The following DGKB variants were observed in gnomAD, a reference collection of about 807,000 sequenced individuals.
DGKB encodes diacylglycerol kinase beta.
Under a neutral mutation model 114.3 loss-of-function variants are expected in DGKB, and 67 were observed. The observed-to-expected ratio is 0.59, with a 90% CI of 0.48 to 0.72. DGKB has a LOEUF of 0.72. DGKB is among the 30% of genes least tolerant of loss of function. The probability of loss-of-function intolerance (pLI) is 0.00; values close to 1 mark genes in which losing one functional copy is unlikely to be tolerated. For synonymous variants in DGKB, 398 were observed against 323.1 expected (o/e 1.23, Z -2.49); for missense variants, 907 against 975.2 (o/e 0.93, Z 0.93).
intron 20 of DGKB, among the ~76,000 whole-genome samples, chr7:14,500,070 C>T (rs916346212): frequency 1.3e-5 from 2 of 151,780 alleles, no homozygotes; most frequent in African/African-American, 4.8e-5. Context: ...TTCGTTCTGG[C>T]CTTTTTCAAT....
At position 14,152,657 on chromosome 7, in the gene DGKB, A is replaced by C. The variant is rs543021742; in HGVS notation, c.2305-3419T>G. Among the ~76,000 whole-genome samples, 17 of 152,212 alleles carry C rather than the reference A, an allele frequency of 1.1e-4. No individual in the cohort carries two copies. The East Asian group carries it at 3.3e-3, about 29-fold the overall frequency. ...ACTTCAAAAACTATAAATACGAAAA[A>C]TGTGGGTTCAGTTTCACTTTTATAA... is the stretch of plus-strand genomic sequence containing the variant. On this transcript the variant is annotated intron_variant, in intron 25 of 25. Coordinates refer to ENST00000402815, the MANE Select transcript of DGKB (RefSeq NM_001350709.2).
chr7:14,642,922 C>T (rs1563765566), intron 13 of DGKB, among the ~76,000 whole-genome samples: 1 of 152,138 alleles, frequency 6.6e-6, no homozygotes, highest in Non-Finnish European at 1.5e-5. Flanking sequence ...GCTTTTAATA[C>T]ATTGTAATCT....
At chr7:14,586,656 T>A (rs1023987289) in intron 17 of DGKB, among the ~76,000 whole-genome samples, 1 of 152,114 alleles carries the variant, frequency 6.6e-6, no homozygotes, top group Non-Finnish European at 1.5e-5. Flanking sequence ...GACTCTCCTG[T>A]TAGGGGCTAA....
At chr7:14,351,611 A>G (rs2128607134) in intron 21 of DGKB, among the ~76,000 whole-genome samples, 1 of 152,262 alleles carries the variant, frequency 6.6e-6, no homozygotes, top group Middle Eastern at 3.4e-3. Context: ...TTTGATTGGC[A>G]ACTATAAATT....
At chr7:14,851,439 G>A (rs573208680) in intron 1 of DGKB, among the ~76,000 whole-genome samples, 2 of 152,048 alleles carry the variant, frequency 1.3e-5, no homozygotes, top group Admixed American at 6.6e-5. Context: ...AGACTGGCAG[G>A]TTAGGTGAAA....
chr7:14,273,765 G>A (rs551600322), intron 23 of DGKB, among the ~76,000 whole-genome samples: 12 of 152,244 alleles, frequency 7.9e-5, no homozygotes, highest in African/African-American at 2.9e-4. Context: ...CCACTCAGTT[G>A]TTACTAGTAA....
intron 19 of DGKB, among the ~76,000 whole-genome samples, chr7:14,575,690 C>G (rs1318763406): frequency 6.6e-6 from 1 of 152,186 alleles, no homozygotes; most frequent in Non-Finnish European, 1.5e-5. Context: ...TAAATCATCT[C>G]TCTTTTCACC....
chr7:14,341,938 G>C (rs1026618035), intron 22 of DGKB, among the ~76,000 whole-genome samples: 3 of 151,820 alleles, frequency 2.0e-5, no homozygotes, highest in African/African-American at 7.2e-5. Context: ...CTGATTCTAT[G>C]TCTATATCAG....
Position 14,330,947 on chromosome 7 carries a change from T to C in DGKB, c.2122+7568A>G, listed in dbSNP as rs573509129. 7.2e-5 allele frequency among the ~76,000 whole-genome samples: 11 copies of C among 152,130 alleles called. No individual in the cohort carries two copies. The East Asian group carries it at 2.1e-3, about 29-fold the overall frequency. On this transcript the variant is annotated intron_variant, in intron 23 of 25. Transcript: ENST00000402815. ...TTTTACATTTTAGAAATATGCCTTA[T>C]ATTCTCTAACTTTTTATTACTTTTT... is the stretch of plus-strand genomic sequence containing the variant.
intron 23 of DGKB, among the ~76,000 whole-genome samples, chr7:14,318,441 A>C (rs1305318195): frequency 6.6e-6 from 1 of 152,210 alleles, no homozygotes; most frequent in African/African-American, 2.4e-5. Flanking sequence ...AATTTACAAG[A>C]AAAAAACAAA....
At chr7:14,461,832 T>G (rs576479112) in intron 21 of DGKB, among the ~76,000 whole-genome samples, 1 of 152,126 alleles carries the variant, frequency 6.6e-6, no homozygotes, top group African/African-American at 2.4e-5. Context: ...ATATCCCTGA[T>G]GAACACTGAT....
At chr7:14,439,177 T>A (rs1829711140) in intron 21 of DGKB, among the ~76,000 whole-genome samples, 1 of 152,138 alleles carries the variant, frequency 6.6e-6, no homozygotes, top group African/African-American at 2.4e-5. Context: ...AACTCTCCCC[T>A]TTACATTTGA....
At chr7:14,892,771 AC>A (rs1052426003) in intron 1 of DGKB, among the ~76,000 whole-genome samples, 6 of 150,918 alleles carry the variant, frequency 4.0e-5, no homozygotes, top group African/African-American at 1.5e-4. Context: ...AAACCTAAAT[AC>A]CTGTTCAAAT....
intron 23 of DGKB, among the ~76,000 whole-genome samples, chr7:14,196,484 G>A (rs971155792): frequency 2.6e-5 from 4 of 151,936 alleles, no homozygotes; most frequent in African/African-American, 9.7e-5. Context: ...TTCTTTTGAA[G>A]TAATTTTATT....
chr7:14,801,903 C>T (rs1842204834), intron 2 of DGKB, among the ~76,000 whole-genome samples: 1 of 138,738 alleles, frequency 7.2e-6, no homozygotes, highest in African/African-American at 2.9e-5. Flanking sequence ...TATATACACA[C>T]ATATACACAC....
chr7:14,609,077 T>C (rs1489406137), intron 16 of DGKB, among the ~76,000 whole-genome samples: 1 of 152,034 alleles, frequency 6.6e-6, no homozygotes, highest in Non-Finnish European at 1.5e-5. Flanking sequence ...AAAATTCATG[T>C]TTAACCAAAA....
At chr7:14,686,658 G>A (rs1254996810) in intron 9 of DGKB, among the ~76,000 whole-genome samples, 1 of 152,054 alleles carries the variant, frequency 6.6e-6, no homozygotes, top group Non-Finnish European at 1.5e-5. Context: ...CCTATTCCCA[G>A]TCAAGGGATA....
chr7:14,909,151 A>G (rs1562868030), intron 1 of DGKB, among the ~76,000 whole-genome samples: 1 of 152,204 alleles, frequency 6.6e-6, no homozygotes, highest in Non-Finnish European at 1.5e-5. Flanking sequence ...CATTTCCTGC[A>G]TCCAACTTGA....
rs1244634048 is a variant in DGKB, at chr7:14,147,112, C to A, written c.*2019G>T. On this transcript the variant is annotated 3_prime_UTR_variant, in exon 26 of 26. Coordinates refer to ENST00000402815, the MANE Select transcript of DGKB (RefSeq NM_001350709.2). ...ATGTGAAAATATTTATTACCTGCAA[C>A]CATAGATACAAAAAATCAATGTGTG... 1 of 152,216 alleles carries A rather than the reference C, an allele frequency of 6.6e-6. No individual in the cohort carries two copies. The highest frequency in any genetic ancestry group is 1.9e-4 in the East Asian group (1 of 5,194). The allele number at this position is 152,216 out of a possible 1,614,324, so 9.4% of individuals were successfully genotyped here. A position where few individuals can be genotyped will look rare whatever the true frequency, so the allele number is the denominator to read the frequency against.
Sources: allele counts gnomAD v4.1 joint callset (sites outside exome capture counted in the v4.1 genomes callset), GRCh38; gene constraint gnomAD v4.1.1; transcripts MANE v1.5; gene names NCBI Gene and HGNC (gene_info 2026-07-23, HGNC 2026-07-21).